Variants in CATSPERT observed in about 807,000 individuals in gnomAD.
CATSPERT encodes catsper channel auxiliary subunit tau.
chr2:201,566,721 G>C, the CATSPERT span, among the ~76,000 whole-genome samples: 2 of 152,166 alleles, frequency 1.3e-5, no homozygotes. Context: ...TATATACCCA[G>C]TATTGGGATG....
At chr2:201,604,814 G>T in the CATSPERT span, 2 of 533,064 alleles carry the variant, frequency 3.8e-6, no homozygotes, top group South Asian at 3.9e-5. Flanking sequence ...TCGGTATTGG[G>T]GTATTAATAT....
the CATSPERT span, among the ~76,000 whole-genome samples, chr2:201,606,316 T>C: frequency 6.6e-6 from 1 of 152,116 alleles, no homozygotes; most frequent in Admixed American, 6.5e-5. Context: ...TCTATGAAGA[T>C]AAGAAATAAG....
the CATSPERT span, among the ~76,000 whole-genome samples, chr2:201,558,545 C>T: frequency 6.6e-6 from 1 of 152,218 alleles, no homozygotes; most frequent in South Asian, 2.1e-4. Flanking sequence ...ACAGGAGGGA[C>T]TTCCCATTGT....
the CATSPERT span, among the ~76,000 whole-genome samples, chr2:201,513,504 T>C: frequency 9.8e-5 from 15 of 152,364 alleles, no homozygotes; most frequent in African/African-American, 3.6e-4. Flanking sequence ...GTTCAGCCGC[T>C]GTGGAAAGCA....
the CATSPERT span, chr2:201,582,293 C>A: frequency 7.7e-7 from 1 of 1,291,028 alleles, no homozygotes; most frequent in Non-Finnish European, 1.1e-6. Flanking sequence ...ATCCAATATA[C>A]TATTACTATA....
the CATSPERT span, among the ~76,000 whole-genome samples, chr2:201,517,462 T>C: frequency 6.6e-6 from 1 of 152,230 alleles, no homozygotes; most frequent in Admixed American, 6.5e-5. Flanking sequence ...AGCATCCCAT[T>C]CTTATTGTCA....
At chr2:201,525,304 T>C in the CATSPERT span, among the ~76,000 whole-genome samples, 2 of 152,024 alleles carry the variant, frequency 1.3e-5, no homozygotes, top group Non-Finnish European at 2.9e-5. Context: ...ACTAAGAAAA[T>C]TGCTCAAAGC....
chr2:201,554,138 T>A, the CATSPERT span: 1 of 152,186 alleles, frequency 6.6e-6, no homozygotes, highest in Non-Finnish European at 1.5e-5. Context: ...TTACATCACA[T>A]CCCTAACAGG....
At chr2:201,619,036 C>A in the CATSPERT span, 1 of 1,614,170 alleles carries the variant, frequency 6.2e-7, no homozygotes, top group Non-Finnish European at 8.5e-7. Context: ...GTAGGGATTC[C>A]TCTGCAATAG....
At chr2:201,588,171 A>C in the CATSPERT span, among the ~76,000 whole-genome samples, 1 of 151,726 alleles carries the variant, frequency 6.6e-6, no homozygotes, top group East Asian at 1.9e-4. Flanking sequence ...CCTGATGAAA[A>C]CTTGGCAGAG....
chr2:201,575,836 C>T, the CATSPERT span, among the ~76,000 whole-genome samples: 39 of 152,210 alleles, frequency 2.6e-4, no homozygotes, highest in African/African-American at 9.1e-4. Context: ...TGAACCATCT[C>T]GACCCACCCT....
chr2:201,502,172 C>T, the CATSPERT span, among the ~76,000 whole-genome samples: 1 of 152,112 alleles, frequency 6.6e-6, no homozygotes, highest in African/African-American at 2.4e-5. Context: ...AATACAAACT[C>T]CAAAAAACGT....
the CATSPERT span, chr2:201,545,638 AAAAAAAAAAAAAAAAG>A: frequency 2.4e-6 from 2 of 820,332 alleles, no homozygotes; most frequent in African/African-American, 3.7e-5. Flanking sequence ...GCAAAAAAAA[AAAAAAAAAAAAAAAAG>A]AAAAAAAAAT....
At chr2:201,506,406 C>A in the CATSPERT span, among the ~76,000 whole-genome samples, 1 of 152,134 alleles carries the variant, frequency 6.6e-6, no homozygotes, top group Non-Finnish European at 1.5e-5. Context: ...TGTAGTATAA[C>A]CCAGGAGGAA....
the CATSPERT span, among the ~76,000 whole-genome samples, chr2:201,602,622 T>C: frequency 2.0e-5 from 3 of 152,236 alleles, no homozygotes; most frequent in Non-Finnish European, 4.4e-5. Flanking sequence ...TTTCCTTTCA[T>C]TTATATGGTG....
chr2:201,543,865 T>A, the CATSPERT span, among the ~76,000 whole-genome samples: 3 of 152,188 alleles, frequency 2.0e-5, no homozygotes, highest in African/African-American at 7.2e-5. Flanking sequence ...GCTTTCTTTT[T>A]TTTATTATTA....
the CATSPERT span, chr2:201,493,238 CA>C: frequency 2.6e-6 from 4 of 1,536,504 alleles, no homozygotes; most frequent in Non-Finnish European, 2.6e-6. Context: ...AGCCTCTGAC[CA>C]TTTCTTGGCA....
the CATSPERT span, chr2:201,511,859 A>AAC: frequency 6.7e-6 from 1 of 149,988 alleles, no homozygotes; most frequent in East Asian, 1.9e-4. Flanking sequence ...AAAAAAAAAA[A>AAC]AAAAAAAAAA....
the CATSPERT span, chr2:201,555,747 A>C: frequency 2.6e-5 from 4 of 152,304 alleles, no homozygotes; most frequent in South Asian, 6.2e-4. Context: ...TAATAACAAC[A>C]TGATGAGTAT....
Sources: gnomAD v4.1 joint callset for allele counts (sites outside exome capture counted in the v4.1 genomes callset) on GRCh38, gnomAD v4.1.1 for gene constraint, MANE v1.5 for transcripts, NCBI Gene and HGNC (gene_info 2026-07-23, HGNC 2026-07-21) for gene names.